The following VEPH1 variants were observed in gnomAD, a reference collection of about 807,000 sequenced individuals.
VEPH1 encodes the protein ventricular zone-expressed PH domain-containing protein homolog 1.
A neutral mutation model predicts 85.2 loss-of-function variants in VEPH1; 80 were observed. The observed-to-expected ratio is 0.94, with a 90% confidence interval of 0.78 to 1.13. The LOEUF (loss-of-function observed/expected upper bound fraction) is 1.13, where lower values mean the gene tolerates loss of function less well. VEPH1 is among the 50% of genes most tolerant of loss of function. VEPH1 has a pLI of 0.00. For synonymous variants in VEPH1, 297 were observed against 348.0 expected (o/e 0.85, Z 1.63); for missense variants, 955 against 980.5 (o/e 0.97, Z 0.35).
intron 9 of VEPH1, among the ~76,000 whole-genome samples, chr3:157,322,253 T>G (rs147101936): frequency 0.012 from 1,897 of 152,326 alleles, 22 homozygotes; most frequent in Non-Finnish European, 0.019. Context: ...GCATAATATC[T>G]TCAATGTTCA....
At chr3:157,381,483 T>G (rs2108866876) in intron 6 of VEPH1, 107 bp from the exon 7 acceptor site, 11 of 1,131,838 alleles carry the variant, frequency 9.7e-6, no homozygotes, top group Non-Finnish European at 1.4e-5. Context: ...GGTGGGTGGA[T>G]GGCTTGGAAC....
chr3:157,437,799 G>C, intron 4 of VEPH1: 5 of 1,461,974 alleles, frequency 3.4e-6, no homozygotes, highest in Non-Finnish European at 4.5e-6. Flanking sequence ...GCGCGGAGGC[G>C]CAGCGCCCAG....
Position 157,442,397 on chromosome 3 carries a change from T to C in VEPH1, c.530-13909A>G, listed in dbSNP as rs757947292. On this transcript the variant is annotated intron_variant, in intron 4 of 13. Coordinates refer to ENST00000362010, the MANE Select transcript of VEPH1 (RefSeq NM_001167912.2). ...AAACAGCTATTTTATTCCCAATGCG[T>C]TCCAAGAAGATTTTTGGAAGCGTGC... 1.5e-5 allele frequency: 25 copies of C among 1,613,406 alleles called. No individual in the cohort carries two copies. The South Asian group carries it at 2.4e-4, about 16-fold the overall frequency.
intron 11 of VEPH1, among the ~76,000 whole-genome samples, chr3:157,291,670 C>T (rs1267579619): frequency 6.6e-6 from 1 of 152,206 alleles, no homozygotes; most frequent in Non-Finnish European, 1.5e-5. Context: ...TAAGCTTCTT[C>T]TGGTGTGATG....
At chr3:157,422,428 A>G (rs1352619674) in intron 5 of VEPH1, among the ~76,000 whole-genome samples, 1 of 152,214 alleles carries the variant, frequency 6.6e-6, no homozygotes, top group African/African-American at 2.4e-5. Context: ...TGATACACCT[A>G]TATAGTGCCT....
intron 3 of VEPH1, among the ~76,000 whole-genome samples, chr3:157,468,592 A>AATG (rs1318791551): frequency 2.0e-5 from 3 of 151,962 alleles, no homozygotes; most frequent in Non-Finnish European, 2.9e-5. Flanking sequence ...TAATAATAAT[A>AATG]ATGATAATAA....
chr3:157,467,917 T>G (rs974400807), intron 3 of VEPH1, among the ~76,000 whole-genome samples: 2 of 152,358 alleles, frequency 1.3e-5, no homozygotes, highest in African/African-American at 4.8e-5. Context: ...GTTGAGCATT[T>G]CAATTTCTCA....
At chr3:157,411,460 C>A (rs1280403665) in intron 6 of VEPH1, among the ~76,000 whole-genome samples, 2 of 152,076 alleles carry the variant, frequency 1.3e-5, no homozygotes, top group East Asian at 3.9e-4. Context: ...AGAGAAAGCA[C>A]CTTAAATATT....
chr3:157,484,149 A>C (rs1738403476), intron 2 of VEPH1, among the ~76,000 whole-genome samples: 1 of 152,228 alleles, frequency 6.6e-6, no homozygotes, highest in African/African-American at 2.4e-5. Context: ...CATAACAGCA[A>C]TAATAGAAAC....
chr3:157,480,039 TTTC>T (rs1231644285), intron 2 of VEPH1, among the ~76,000 whole-genome samples: 139 of 150,762 alleles, frequency 9.2e-4, no homozygotes, highest in African/African-American at 2.4e-3. Flanking sequence ...TCATTCTTTT[TTTC>T]TTTCTTTCTT....
intron 4 of VEPH1, among the ~76,000 whole-genome samples, chr3:157,441,585 G>A (rs994625307): frequency 4.6e-5 from 7 of 152,004 alleles, no homozygotes; most frequent in Admixed American, 1.3e-4. Flanking sequence ...TGAGGCAGGC[G>A]GATCTTGAGG....
At chr3:157,437,883 G>C (rs1407917766) in intron 4 of VEPH1, 3 of 1,519,266 alleles carry the variant, frequency 2.0e-6, no homozygotes, top group South Asian at 1.2e-5. Context: ...ACGCGGTGCA[G>C]GGCTGGGCTG....
At chr3:157,490,463 T>C (rs1193825249) in intron 2 of VEPH1, among the ~76,000 whole-genome samples, 1 of 149,656 alleles carries the variant, frequency 6.7e-6, no homozygotes, top group Non-Finnish European at 1.5e-5. Flanking sequence ...GGAAGTAAAG[T>C]GGTAGGCACT....
intron 9 of VEPH1, among the ~76,000 whole-genome samples, chr3:157,355,873 C>G (rs990329371): frequency 4.0e-5 from 6 of 151,086 alleles, no homozygotes; most frequent in Non-Finnish European, 7.4e-5. Context: ...AAGCAAATTA[C>G]CTTTAAAAGT....
At chr3:157,396,054 T>A (rs1449569722) in intron 6 of VEPH1, among the ~76,000 whole-genome samples, 1 of 152,212 alleles carries the variant, frequency 6.6e-6, no homozygotes, top group East Asian at 1.9e-4. Context: ...AAGTCTTGCA[T>A]GCATTATCTA....
intron 4 of VEPH1, among the ~76,000 whole-genome samples, chr3:157,434,045 T>C (rs1461680535): frequency 2.6e-5 from 4 of 152,208 alleles, no homozygotes. Flanking sequence ...TGGTTTATAT[T>C]TTTTGAAACT....
At chr3:157,362,123 C>A (rs994405825) in intron 9 of VEPH1, among the ~76,000 whole-genome samples, 1 of 152,028 alleles carries the variant, frequency 6.6e-6, no homozygotes, top group African/African-American at 2.4e-5. Context: ...CTCCACCTCT[C>A]GGGCTCAAGC....
chr3:157,429,278 A>C (rs551097915), intron 4 of VEPH1, among the ~76,000 whole-genome samples: 1 of 152,196 alleles, frequency 6.6e-6, no homozygotes, highest in Non-Finnish European at 1.5e-5. Flanking sequence ...TTTTTGAACA[A>C]GAATTTTTTT....
intron 9 of VEPH1, among the ~76,000 whole-genome samples, chr3:157,350,947 G>A (rs546185891): frequency 2.6e-5 from 4 of 152,310 alleles, no homozygotes; most frequent in Non-Finnish European, 4.4e-5. Flanking sequence ...AACCAGTATA[G>A]AGAACAGTAT....
Sources: allele counts gnomAD v4.1 joint callset (sites outside exome capture counted in the v4.1 genomes callset), GRCh38; gene constraint gnomAD v4.1.1; transcripts MANE v1.5; gene names NCBI Gene and HGNC (gene_info 2026-07-23, HGNC 2026-07-21).